Variants in ARHGAP39 observed in about 807,000 individuals in gnomAD.
The protein encoded by ARHGAP39 is Rho GTPase activating protein 39.
A neutral mutation model predicts 106.9 loss-of-function variants in ARHGAP39; 44 were observed. The ratio of observed to expected loss-of-function variants is 0.41; its 90% CI spans 0.32 to 0.53. The LOEUF is 0.53. Ranked by LOEUF, ARHGAP39 falls within the 20% of genes least tolerant of loss-of-function variation. The pLI is 0.21. For synonymous variants in ARHGAP39, 768 were observed against 693.2 expected, an observed-to-expected ratio of 1.11 and a Z score of -1.69; for missense variants, 1,496 against 1,577.3, an observed-to-expected ratio of 0.95 and a Z score of 0.87.
chr8:144,645,175 T>A lies in ARHGAP39; in HGVS notation c.-81-39480A>T, dbSNP rs1383911642. On this transcript the variant is annotated intron_variant, in intron 1 of 11. Coordinates refer to ENST00000377307, the MANE Select transcript of ARHGAP39 (RefSeq NM_025251.3). This position sits in a 1 kb window ranked among gnomAD's most constrained non-coding sequence, Gnocchi z 4.4. The stretch of plus-strand genomic sequence containing the variant: ...CTCCAAAACCCCATCCCTCTCATAC[T>A]CAGAGCTGCAGATGCCAGTGCAACC... Among the ~76,000 whole-genome samples the A allele has an allele frequency of 6.6e-6, 1 of 152,190 alleles. No homozygotes were observed. The highest frequency in any genetic ancestry group is 1.5e-5 in the Non-Finnish European group (1 of 68,032).
chr8:144,677,648 C>A (rs1450779657), intron 1 of ARHGAP39, among the ~76,000 whole-genome samples: 1 of 151,664 alleles, frequency 6.6e-6, no homozygotes, highest in Non-Finnish European at 1.5e-5. Context: ...TTGAAAAAGG[C>A]AAGGTTCAGA....
intron 3 of ARHGAP39, among the ~76,000 whole-genome samples, chr8:144,557,805 T>C (rs571369238): frequency 4.3e-4 from 65 of 152,324 alleles, no homozygotes; most frequent in Non-Finnish European, 9.4e-4. Flanking sequence ...GCTGAAAGCA[T>C]ACCCATGAAA....
intron 2 of ARHGAP39, among the ~76,000 whole-genome samples, chr8:144,589,774 T>G (rs1819322236): frequency 6.6e-6 from 1 of 152,208 alleles, no homozygotes; most frequent in Non-Finnish European, 1.5e-5. Flanking sequence ...CGACTCTGCC[T>G]CTGGTGTGAA....
rs2130943330 is a variant in ARHGAP39 at position 144,604,055 on chromosome 8, A to G, written c.80+1480T>C. Among the ~76,000 whole-genome samples the G allele has an allele frequency of 6.6e-6, 1 of 152,374 alleles. No individual in the cohort carries two copies. The highest frequency in any genetic ancestry group is 6.5e-5 in the Admixed American group (1 of 15,308). ...CGAACAAACGAATGAACAAGGAGAC[A>G]GCAGGACTCCTGCTCAGGTCAAGGC... On this transcript the variant is annotated intron_variant, in intron 2 of 11. Coordinates refer to ENST00000377307, the MANE Select transcript of ARHGAP39 (RefSeq NM_025251.3). This position sits in a 1 kb window ranked among gnomAD's most constrained non-coding sequence, Gnocchi z 4.1.
chr8:144,618,564 G>A (rs892335708), intron 1 of ARHGAP39, among the ~76,000 whole-genome samples: 1 of 152,358 alleles, frequency 6.6e-6, no homozygotes, highest in Admixed American at 6.5e-5. Flanking sequence ...TGGTGGGCGC[G>A]AGCAGGCAGG....
intron 1 of ARHGAP39, among the ~76,000 whole-genome samples, chr8:144,615,872 C>T (rs1055518724): frequency 6.6e-6 from 1 of 152,242 alleles, no homozygotes; most frequent in African/African-American, 2.4e-5. Context: ...CGGCATTTGC[C>T]GCCCCTTCAG....
At chr8:144,561,156 A>ACACCCCAGTGGTTTCCATCG (rs1452069966) in intron 3 of ARHGAP39, among the ~76,000 whole-genome samples, 17 of 152,076 alleles carry the variant, frequency 1.1e-4, no homozygotes, top group Admixed American at 9.8e-4. Flanking sequence ...GGTTTCCATC[A>ACACCCCAGTGGTTTCCATCG]CACCCCAGTG....
chr8:144,639,324 TCA>T (rs1821251387), intron 1 of ARHGAP39, among the ~76,000 whole-genome samples: 1 of 102,756 alleles, frequency 9.7e-6, no homozygotes. Context: ...AGATGCTGTC[TCA>T]AAAAAAAAAA....
chr8:144,633,014 T>C (rs1352398894), intron 1 of ARHGAP39, among the ~76,000 whole-genome samples: 2 of 152,236 alleles, frequency 1.3e-5, no homozygotes, highest in Non-Finnish European at 2.9e-5. Flanking sequence ...AGGTGGCTTG[T>C]GCCTGTAATC....
At chr8:144,698,882 C>A in the ARHGAP39 span, 1 of 455,964 alleles carries the variant, frequency 2.2e-6, no homozygotes, top group African/African-American at 2.0e-5. Context: ...AAGGCCACCC[C>A]TCCCTTGGGG....
chr8:144,602,097 G>C (rs537015171), intron 2 of ARHGAP39, among the ~76,000 whole-genome samples: 1 of 147,424 alleles, frequency 6.8e-6, no homozygotes, highest in Admixed American at 6.8e-5. Flanking sequence ...AGGCGTGTGT[G>C]CTCGTGTACC....
At chr8:144,628,156 C>T (rs1820972065) in intron 1 of ARHGAP39, among the ~76,000 whole-genome samples, 3 of 152,210 alleles carry the variant, frequency 2.0e-5, no homozygotes, top group Admixed American at 6.5e-5. Flanking sequence ...ACAGAGACAG[C>T]GTCCTCAGAG....
chr8:144,601,488 C>CTG (rs374332171), intron 2 of ARHGAP39, among the ~76,000 whole-genome samples: 4 of 109,820 alleles, frequency 3.6e-5, no homozygotes, highest in Non-Finnish European at 5.3e-5. Flanking sequence ...GCTCATGTAC[C>CTG]TGTGTGTGTG....
chr8:144,574,149 G>GAAAAAAAAAAAAAAAAAAA (rs35193383), intron 3 of ARHGAP39, among the ~76,000 whole-genome samples: 1 of 107,298 alleles, frequency 9.3e-6, no homozygotes. Context: ...CTGGGTGACA[G>GAAAAAAAAAAAAAAAAAAA]AAAAAAAAAA....
intron 1 of ARHGAP39, among the ~76,000 whole-genome samples, chr8:144,621,064 G>A (rs1163666116): frequency 6.6e-6 from 1 of 152,274 alleles, no homozygotes; most frequent in Non-Finnish European, 1.5e-5. Context: ...CCAGTTGGCA[G>A]CTGTGCTGGT....
At chr8:144,600,027 G>A (rs924198858) in intron 2 of ARHGAP39, among the ~76,000 whole-genome samples, 2 of 152,238 alleles carry the variant, frequency 1.3e-5, no homozygotes, top group Non-Finnish European at 2.9e-5. Flanking sequence ...TTTCTAGGAG[G>A]CGTTTGTGCG....
At chr8:144,680,526 G>A (rs945064896) in intron 1 of ARHGAP39, among the ~76,000 whole-genome samples, 4 of 152,186 alleles carry the variant, frequency 2.6e-5, no homozygotes, top group African/African-American at 9.7e-5. Context: ...ACTCATATCC[G>A]TAGCAGATTT....
At chr8:144,640,108 C>T (rs191578764) in intron 1 of ARHGAP39, among the ~76,000 whole-genome samples, 20 of 152,242 alleles carry the variant, frequency 1.3e-4, no homozygotes, top group African/African-American at 2.9e-4. Flanking sequence ...AAAGCCAGAT[C>T]GAGTAATCTA....
At chr8:144,596,837 C>T (rs1490004022) in intron 2 of ARHGAP39, among the ~76,000 whole-genome samples, 1 of 152,234 alleles carries the variant, frequency 6.6e-6, no homozygotes, top group South Asian at 2.1e-4. Context: ...CCTCCAGACC[C>T]GCAAGGGTAC....
Sources: gnomAD v4.1 joint callset for allele counts (sites outside exome capture counted in the v4.1 genomes callset) on GRCh38, gnomAD v4.1.1 for gene constraint, Gnocchi (gnomAD v3.1) non-coding constraint, MANE v1.5 for transcripts, NCBI Gene and HGNC (gene_info 2026-07-23, HGNC 2026-07-21) for gene names.